BAALC: variants seen among roughly 807,000 people sequenced by gnomAD.
The protein encoded by BAALC is BAALC binder of MAP3K1 and KLF4, also known as brain and acute leukemia cytoplasmic protein.
BAALC carries 9 observed loss-of-function variants against 15.5 expected under a neutral mutation model. The observed-to-expected ratio is 0.58, with a 90% CI of 0.35 to 1.02. BAALC has a LOEUF of 1.02. Among genes scored for constraint, BAALC ranks in the 50% least tolerant of loss-of-function variants. BAALC has a pLI of 0.02. For missense variants in BAALC, 201 were observed against 192.4 expected (o/e 1.04, Z -0.27); for synonymous variants, 80 against 74.6 (o/e 1.07, Z -0.37).
At chr8:103,156,205 A>AAC (rs1349669405) in intron 1 of BAALC, among the ~76,000 whole-genome samples, 1 of 152,218 alleles carries the variant, frequency 6.6e-6, no homozygotes, top group Non-Finnish European at 1.5e-5. Context: ...AGCCCTCAGA[A>AAC]ACATCTCTAA....
intron 1 of BAALC, among the ~76,000 whole-genome samples, chr8:103,166,915 C>T (rs947001209): frequency 2.0e-5 from 3 of 152,152 alleles, no homozygotes; most frequent in East Asian, 1.9e-4. Flanking sequence ...TCTAAATGGA[C>T]TCTGAAAATA....
chr8:103,208,797 C>G (rs1277135823), intron 1 of BAALC, among the ~76,000 whole-genome samples: 1 of 152,124 alleles, frequency 6.6e-6, no homozygotes, highest in Non-Finnish European at 1.5e-5. Flanking sequence ...TAAGGCCTCT[C>G]CTTGCTTCCC....
intron 1 of BAALC, among the ~76,000 whole-genome samples, chr8:103,170,673 C>T (rs1811462993): frequency 1.3e-5 from 2 of 152,188 alleles, no homozygotes; most frequent in South Asian, 2.1e-4. Flanking sequence ...TAATTTCAGA[C>T]TTCTAGCTCC....
chr8:103,171,450 T>A (rs868787452), intron 1 of BAALC, among the ~76,000 whole-genome samples: 3 of 149,488 alleles, frequency 2.0e-5, no homozygotes, highest in Admixed American at 6.7e-5. Context: ...AGAAAGAAAG[T>A]AAGAAAGAAA....
At chr8:103,154,893 T>A (rs1811056896) in intron 1 of BAALC, among the ~76,000 whole-genome samples, 1 of 150,596 alleles carries the variant, frequency 6.6e-6, no homozygotes. Context: ...ACACCACCTG[T>A]GATGTGGGCC....
chr8:103,147,789 T>C (rs1810908435), intron 1 of BAALC, among the ~76,000 whole-genome samples: 1 of 152,122 alleles, frequency 6.6e-6, no homozygotes, highest in Non-Finnish European at 1.5e-5. Flanking sequence ...CGCTGCAAAA[T>C]CCTATCCCTA....
chr8:103,207,140 A>G (rs1812349037), intron 1 of BAALC, among the ~76,000 whole-genome samples: 1 of 151,444 alleles, frequency 6.6e-6, no homozygotes, highest in South Asian at 2.1e-4. Flanking sequence ...CACTAATAGC[A>G]TCTGTTGGAA....
At chr8:103,205,105 T>G (rs1183585734) in intron 1 of BAALC, among the ~76,000 whole-genome samples, 1 of 152,196 alleles carries the variant, frequency 6.6e-6, no homozygotes, top group Non-Finnish European at 1.5e-5. Flanking sequence ...TTGTTTCTGA[T>G]GATTTTGGAC....
rs1429925637 is a variant in BAALC, at chr8:103,229,032, CCT to C, written c.*938_*939del. 1.3e-5 allele frequency: 2 copies of C among 152,430 alleles called. No individual in the cohort carries two copies. Among genetic ancestry groups the C allele is most frequent in the African/African-American group, 4.8e-5 (2 of 41,444 alleles). The allele number at this position is 152,430 out of a possible 1,614,324, so 9.4% of individuals were successfully genotyped here. On this transcript the variant is annotated 3_prime_UTR_variant, in exon 3 of 3. Coordinates refer to ENST00000309982, the MANE Select transcript of BAALC (RefSeq NM_024812.3). ...GGCAGCAGGCATGGCTTCCCCTTGG[CCT>C]CTCTGTACACTGCCCCAGGACTGTC...
intron 1 of BAALC, among the ~76,000 whole-genome samples, chr8:103,144,851 A>G (rs141665648): frequency 3.3e-5 from 5 of 152,322 alleles, no homozygotes; most frequent in African/African-American, 1.2e-4. Context: ...ACCATTACCC[A>G]TCATTTATTA....
chr8:103,195,885 A>G (rs1386096367), intron 1 of BAALC, among the ~76,000 whole-genome samples: 1 of 152,198 alleles, frequency 6.6e-6, no homozygotes, highest in African/African-American at 2.4e-5. Flanking sequence ...GCAAGCAGAC[A>G]TGGAACAAAT....
rs1455693723 is a variant in BAALC, at chr8:103,141,958, A to G, written c.160+901A>G. Reference sequence around the variant, plus strand: ...AACTGTTGCCACAGACTGACCTTTAATCATAAACATATTGGTGACATTAAA... The same window carrying G: ...AACTGTTGCCACAGACTGACCTTTAGTCATAAACATATTGGTGACATTAAA... On this transcript the variant is annotated intron_variant, in intron 1 of 2. Transcript: ENST00000309982. 2.0e-5 allele frequency among the ~76,000 whole-genome samples: 3 copies of G among 152,240 alleles called. No individual in the cohort carries two copies. In the East Asian group the frequency reaches 5.8e-4, roughly 29 times the overall value.
intron 1 of BAALC, among the ~76,000 whole-genome samples, chr8:103,162,783 T>G (rs1811256983): frequency 6.6e-6 from 1 of 152,104 alleles, no homozygotes; most frequent in Admixed American, 6.6e-5. Flanking sequence ...GGACCTGAGA[T>G]TTTACCCTAC....
chr8:103,150,383 C>CTGTG (rs141050731), intron 1 of BAALC, among the ~76,000 whole-genome samples: 20 of 148,574 alleles, frequency 1.3e-4, no homozygotes, highest in South Asian at 1.1e-3. Flanking sequence ...CTGGGTGTGT[C>CTGTG]TGTGTGTGTG....
At chr8:103,181,020 A>G (rs915835957) in intron 1 of BAALC, among the ~76,000 whole-genome samples, 9 of 152,168 alleles carry the variant, frequency 5.9e-5, no homozygotes, top group African/African-American at 1.9e-4. Context: ...GGGATATAAG[A>G]TGTAGAGTTT....
At chr8:103,168,745 T>A (rs1811408488) in intron 1 of BAALC, among the ~76,000 whole-genome samples, 1 of 152,154 alleles carries the variant, frequency 6.6e-6, no homozygotes, top group Non-Finnish European at 1.5e-5. Context: ...TTCCTTAGCC[T>A]CTCTCCTGTG....
intron 1 of BAALC, among the ~76,000 whole-genome samples, chr8:103,160,877 T>C (rs1161706774): frequency 1.3e-5 from 2 of 152,130 alleles, no homozygotes; most frequent in African/African-American, 2.4e-5. Context: ...GCTGATTAGA[T>C]GGTGCCCACC....
intron 1 of BAALC, among the ~76,000 whole-genome samples, chr8:103,173,889 C>G (rs192053779): frequency 6.6e-6 from 1 of 152,194 alleles, no homozygotes; most frequent in African/African-American, 2.4e-5. Context: ...GTGCAAAATT[C>G]GTCACGGTCC....
At chr8:103,172,856 G>A (rs1366964496) in intron 1 of BAALC, among the ~76,000 whole-genome samples, 1 of 152,114 alleles carries the variant, frequency 6.6e-6, no homozygotes, top group Non-Finnish European at 1.5e-5. Context: ...TTAAAAATGT[G>A]TATATTAAAT....
Sources: gnomAD v4.1 joint callset for allele counts (sites outside exome capture counted in the v4.1 genomes callset) on GRCh38, gnomAD v4.1.1 for gene constraint, MANE v1.5 for transcripts, NCBI Gene and HGNC (gene_info 2026-07-23, HGNC 2026-07-21) for gene names.